Variants in SGCZ observed in about 807,000 individuals in gnomAD.
The protein encoded by SGCZ is zeta-sarcoglycan.
SGCZ carries 40 observed loss-of-function variants against 41.3 expected under a neutral mutation model. The observed-to-expected ratio is 0.97, with a 90% CI of 0.75 to 1.26. SGCZ has a LOEUF of 1.26. Among genes scored for constraint, SGCZ ranks in the 50% most tolerant of loss-of-function variants. SGCZ has a pLI of 0.00. For synonymous variants in SGCZ, 206 were observed against 137.5 expected (o/e 1.50, Z -3.49); for missense variants, 552 against 369.8 (o/e 1.49, Z -4.04).
intron 2 of SGCZ, among the ~76,000 whole-genome samples, chr8:14,432,640 G>A (rs768499381): frequency 3.3e-5 from 5 of 152,132 alleles, no homozygotes; most frequent in Non-Finnish European, 5.9e-5. Context: ...ACAGCAGGGC[G>A]CATTGGCTCA....
intron 1 of SGCZ, among the ~76,000 whole-genome samples, chr8:15,113,736 G>A (rs1807158626): frequency 6.6e-6 from 1 of 152,154 alleles, no homozygotes; most frequent in East Asian, 1.9e-4. Flanking sequence ...CCAGCTCGTT[G>A]ATTCATGTCC....
intron 1 of SGCZ, among the ~76,000 whole-genome samples, chr8:14,716,774 T>C (rs1809703463): frequency 6.6e-6 from 1 of 152,120 alleles, no homozygotes; most frequent in South Asian, 2.1e-4. Context: ...TTTTATTTCA[T>C]TTACCTTGTG....
At chr8:14,601,027 T>A (rs1805573920) in intron 1 of SGCZ, among the ~76,000 whole-genome samples, 1 of 150,196 alleles carries the variant, frequency 6.7e-6, no homozygotes, top group African/African-American at 2.4e-5. Context: ...TTTATGCATT[T>A]TATAATATAT....
In SGCZ at chr8:14,550,643, G is replaced by A. The variant is rs77008205; in HGVS notation, c.234+4089C>T. On this transcript the variant is annotated intron_variant, in intron 2 of 7. Transcript: ENST00000382080. The stretch of plus-strand genomic sequence containing the variant: ...TTTCCAACTTAATAAATACCATTGC[G>A]TAGATCACAGGAGCATCTCCTGTGC... 1.2e-3 allele frequency among the ~76,000 whole-genome samples: 180 copies of A among 151,968 alleles called. 3 individuals are homozygous for A. In the East Asian group the frequency reaches 0.022, roughly 19 times the overall value.
rs539128060 is a variant in SGCZ at position 15,168,639 on chromosome 8, C to G, written c.39+68946G>C. Reference sequence around the variant, plus strand: ...AGGAAGAGAAGGGAACCAGGGACACCTGTTCCCCTCTTTCTAGATGGGTAG... The same window carrying G: ...AGGAAGAGAAGGGAACCAGGGACACGTGTTCCCCTCTTTCTAGATGGGTAG... On this transcript the variant is annotated intron_variant, in intron 1 of 7. Transcript: ENST00000382080. 1.4e-4 allele frequency among the ~76,000 whole-genome samples: 20 copies of G among 144,296 alleles called. No individual in the cohort carries two copies. In the South Asian group the frequency reaches 4.4e-3, roughly 31 times the overall value. The allele number at this position is 144,296 out of a possible 152,430, so 94.7% of individuals were successfully genotyped here.
intron 1 of SGCZ, among the ~76,000 whole-genome samples, chr8:14,743,065 G>A (rs909611499): frequency 6.6e-6 from 1 of 151,960 alleles, no homozygotes; most frequent in Admixed American, 6.6e-5. Flanking sequence ...AAAAGACTGC[G>A]TGGATTTTCT....
intron 4 of SGCZ, among the ~76,000 whole-genome samples, chr8:14,175,952 T>C (rs549749275): frequency 2.0e-5 from 3 of 152,242 alleles, no homozygotes; most frequent in African/African-American, 7.2e-5. Flanking sequence ...CATTAATATA[T>C]CTATTAGGTG....
chr8:14,264,354 T>C (rs1273020180), intron 3 of SGCZ, among the ~76,000 whole-genome samples: 1 of 151,896 alleles, frequency 6.6e-6, no homozygotes, highest in Non-Finnish European at 1.5e-5. Context: ...CAGAGTAGAG[T>C]GGAGCTCTGC....
intron 2 of SGCZ, among the ~76,000 whole-genome samples, chr8:14,492,030 T>C (rs1264914117): frequency 6.6e-6 from 1 of 152,184 alleles, no homozygotes; most frequent in Admixed American, 6.5e-5. Context: ...TTGTAAAAAT[T>C]AATGCTGTCA....
At chr8:14,395,876 C>G (rs1313241771) in intron 2 of SGCZ, among the ~76,000 whole-genome samples, 1 of 152,138 alleles carries the variant, frequency 6.6e-6, no homozygotes, top group Non-Finnish European at 1.5e-5. Context: ...AAAGTTACTG[C>G]AAAAAGTATC....
chr8:15,215,686 G>A (rs771622447), intron 1 of SGCZ, among the ~76,000 whole-genome samples: 39 of 152,282 alleles, frequency 2.6e-4, no homozygotes, highest in Non-Finnish European at 4.9e-4. Flanking sequence ...AAGCTGAACT[G>A]AAACTTTTGC....
chr8:15,184,443 G>C (rs1362621645), intron 1 of SGCZ, among the ~76,000 whole-genome samples: 1 of 152,078 alleles, frequency 6.6e-6, no homozygotes, highest in Non-Finnish European at 1.5e-5. Context: ...TCCTTCTGTG[G>C]CAAATCTGAG....
chr8:14,602,331 T>C (rs772287320), intron 1 of SGCZ, among the ~76,000 whole-genome samples: 12 of 151,898 alleles, frequency 7.9e-5, no homozygotes, highest in Non-Finnish European at 1.8e-4. Flanking sequence ...GTTTAATGAA[T>C]AATGCACATG....
At chr8:14,414,679 G>A (rs1799448972) in intron 2 of SGCZ, among the ~76,000 whole-genome samples, 2 of 152,014 alleles carry the variant, frequency 1.3e-5, no homozygotes, top group Admixed American at 6.6e-5. Context: ...TATCATAATA[G>A]CATAACAATA....
At chr8:15,142,931 GCTTT>G (rs1418433995) in intron 1 of SGCZ, among the ~76,000 whole-genome samples, 2 of 152,036 alleles carry the variant, frequency 1.3e-5, no homozygotes, top group African/African-American at 4.8e-5. Context: ...TTTAAATGAC[GCTTT>G]CTATCTGTAA....
In SGCZ at chr8:14,145,393, C is replaced by A. The variant is rs181939898; in HGVS notation, c.547+19187G>T. On this transcript the variant is annotated intron_variant, in intron 5 of 7. Coordinates refer to ENST00000382080, the MANE Select transcript of SGCZ (RefSeq NM_139167.4). ...CACTGCATTTACTGGGCTTGGGATACACCCTATAGCAGATACAGGTTAGAT... is the reference window on the plus strand; with the variant it reads ...CACTGCATTTACTGGGCTTGGGATAAACCCTATAGCAGATACAGGTTAGAT... 2.1e-3 allele frequency among the ~76,000 whole-genome samples: 326 copies of A among 152,268 alleles called. 3 individuals are homozygous for A. The highest frequency in any genetic ancestry group is 3.8e-3 in the Non-Finnish European group (256 of 68,016).
At chr8:15,174,375 A>C (rs1160210920) in intron 1 of SGCZ, among the ~76,000 whole-genome samples, 1 of 152,216 alleles carries the variant, frequency 6.6e-6, no homozygotes, top group African/African-American at 2.4e-5. Flanking sequence ...AGAGCTGCTA[A>C]AAACATTGTA....
At chr8:14,198,444 G>T (rs777614145) in intron 4 of SGCZ, among the ~76,000 whole-genome samples, 1 of 152,210 alleles carries the variant, frequency 6.6e-6, no homozygotes, top group East Asian at 1.9e-4. Context: ...GAATATAAGA[G>T]GGAAGAAAGG....
chr8:14,969,387 CA>C (rs1479778844), intron 1 of SGCZ, among the ~76,000 whole-genome samples: 2 of 152,026 alleles, frequency 1.3e-5, no homozygotes, highest in African/African-American at 4.8e-5. Context: ...TTGATATAAA[CA>C]AACAGCACAT....
Sources: gnomAD v4.1 joint callset for allele counts (sites outside exome capture counted in the v4.1 genomes callset) on GRCh38, gnomAD v4.1.1 for gene constraint, MANE v1.5 for transcripts, NCBI Gene and HGNC (gene_info 2026-07-23, HGNC 2026-07-21) for gene names.